EMC10: variants seen among roughly 807,000 people sequenced by gnomAD.
EMC10 encodes UPF0510 protein INM02.
Under a neutral mutation model 32.2 loss-of-function variants are expected in EMC10, and 40 were observed. The observed-to-expected ratio is 1.24, with a 90% confidence interval of 0.96 to 1.61. The LOEUF is 1.61. EMC10 is among the 40% of genes most tolerant of loss of function. EMC10 has a pLI of 0.00. For missense variants in EMC10, 402 were observed against 357.7 expected (o/e 1.12, Z -1.00); for synonymous variants, 178 against 158.4 (o/e 1.12, Z -0.93).
At chr19:50,477,893 G>A in intron 1 of EMC10, 36 bp from the exon 2 acceptor site, 9 of 1,573,800 alleles carry the variant, frequency 5.7e-6, no homozygotes, top group Non-Finnish European at 7.8e-6. Flanking sequence ...GAGGGCTTGG[G>A]TGGTCCTCAC....
chr19:50,479,783 C>T (rs959102132), intron 3 of EMC10, among the ~76,000 whole-genome samples: 1 of 152,222 alleles, frequency 6.6e-6, no homozygotes, highest in Non-Finnish European at 1.5e-5. Flanking sequence ...ACTGGTACGT[C>T]CAGGCATAGG....
In EMC10 at chr19:50,480,788, C is replaced by T. The variant is rs762307083; in HGVS notation, c.584+26C>T. Reference sequence around the variant, plus strand: ...GTGAGCCTCTGCTGCCTTCGCGGCGCTCTTGCCACCTGCCCCGGCCCTTCC... The same window carrying T: ...GTGAGCCTCTGCTGCCTTCGCGGCGTTCTTGCCACCTGCCCCGGCCCTTCC... On this transcript the variant is annotated intron_variant, in intron 5 of 6. Coordinates refer to ENST00000334976, the MANE Select transcript of EMC10 (RefSeq NM_206538.4). This position sits in a 1 kb window ranked among gnomAD's most constrained non-coding sequence, Gnocchi z 4.4. The T allele has an allele frequency of 4.5e-6, 7 of 1,570,988 alleles. No individual in the cohort carries two copies.
chr19:50,481,660 T>G (rs1402799937), intron 6 of EMC10: 1 of 574,804 alleles, frequency 1.7e-6, no homozygotes, highest in African/African-American at 1.9e-5. Flanking sequence ...AGCCCTGCTG[T>G]GCTGAGTGCC....
At position 50,490,493 on chromosome 19, in the gene EMC10, A is replaced by G. The variant is rs1039060425; in HGVS notation, c.*8234A>G. 6.6e-6 allele frequency: 1 copy of G among 152,168 alleles called. No individual in the cohort carries two copies. The highest frequency in any genetic ancestry group is 1.5e-5 in the Non-Finnish European group (1 of 68,030). The allele number at this position is 152,168 out of a possible 1,614,324, so 9.4% of individuals were successfully genotyped here. ...AGGGACGTGGGAACCCATCCCGGTG[A>G]AGCGGCAGCGTCACGTCCTTTCTCC... On this transcript the variant is annotated 3_prime_UTR_variant, in exon 7 of 7. Transcript: ENST00000334976.
In EMC10 at chr19:50,487,380, C is replaced by G. The variant is rs907452680; in HGVS notation, c.*5121C>G. On this transcript the variant is annotated 3_prime_UTR_variant, in exon 7 of 7. Coordinates refer to ENST00000334976, the MANE Select transcript of EMC10 (RefSeq NM_206538.4). ...CCCAGGGGCCCCACCCAGTCCTGTC[C>G]CTGCTCCTTACGTGCTGTGTATCTT... 3.3e-5 allele frequency: 5 copies of G among 152,316 alleles called. No homozygotes were observed. Among genetic ancestry groups the G allele is most frequent in the African/African-American group, 1.2e-4 (5 of 41,450 alleles). 9.4% of individuals were successfully genotyped at this position (152,316 alleles called of 1,614,324 possible).
At position 50,483,125 on chromosome 19, in the gene EMC10, A is replaced by G. The variant is rs1411360757; in HGVS notation, c.*866A>G. The G allele has an allele frequency of 2.1e-6, 1 of 470,628 alleles. No homozygotes were observed. The highest frequency in any genetic ancestry group is 4.2e-6 in the Non-Finnish European group (1 of 236,836). 29.2% of individuals were successfully genotyped at this position (470,628 alleles called of 1,614,324 possible). ...GTAAGTCTATTTAAAAACATCGACG[A>G]TACATTGAAATGTGTGAACGTTTTG... On this transcript the variant is annotated 3_prime_UTR_variant, in exon 7 of 7. Transcript: ENST00000334976.
Position 50,483,165 on chromosome 19 carries a change from C to T in EMC10, c.*906C>T, listed in dbSNP as rs1042082101. 6.6e-6 allele frequency: 3 copies of T among 457,486 alleles called. No homozygotes were observed. Among genetic ancestry groups the T allele is most frequent in the Admixed American group, 2.4e-5 (1 of 42,258 alleles). 28.3% of individuals were successfully genotyped at this position (457,486 alleles called of 1,614,324 possible). A position where few individuals can be genotyped will look rare whatever the true frequency, so the allele number is the denominator to read the frequency against. ...TGAACGTTTTGAAAAGCTACAGCTT[C>T]CAGCAGCCAAAAGCAACTGTTGTTT... On this transcript the variant is annotated 3_prime_UTR_variant, in exon 7 of 7. Transcript: ENST00000334976.
chr19:50,484,668 A>G lies in EMC10; in HGVS notation c.*2409A>G, dbSNP rs1301507000. On this transcript the variant is annotated 3_prime_UTR_variant, in exon 7 of 7. Transcript: ENST00000334976. ...TATCCAGGGATGAAGTATGAAACTCAAAAGATAGAGTAGGTTGGCCAGGCA... is the reference window on the plus strand; with the variant it reads ...TATCCAGGGATGAAGTATGAAACTCGAAAGATAGAGTAGGTTGGCCAGGCA... 1.3e-5 allele frequency: 2 copies of G among 151,960 alleles called. No homozygotes were observed. Among genetic ancestry groups the G allele is most frequent in the Non-Finnish European group, 2.9e-5 (2 of 67,970 alleles). The allele number at this position is 151,960 out of a possible 1,614,324, so 9.4% of individuals were successfully genotyped here.
At position 50,480,783 on chromosome 19, in the gene EMC10, C is replaced by A. The variant is rs770437098; in HGVS notation, c.584+21C>A. 3.8e-6 allele frequency: 6 copies of A among 1,571,880 alleles called. No homozygotes were observed. In the South Asian group the frequency reaches 4.7e-5, roughly 12 times the overall value. ...CCAGGGTGAGCCTCTGCTGCCTTCG[C>A]GGCGCTCTTGCCACCTGCCCCGGCC... On this transcript the variant is annotated intron_variant, in intron 5 of 6. Transcript: ENST00000334976. This position sits in a 1 kb window ranked among gnomAD's most constrained non-coding sequence, Gnocchi z 4.4.
chr19:50,481,834 C>T, intron 6 of EMC10: 2 of 1,539,456 alleles, frequency 1.3e-6, no homozygotes, highest in Non-Finnish European at 1.7e-6. Context: ...GCCCACTGGC[C>T]CTGACCTGCG....
rs368713361 is a variant in EMC10, at chr19:50,482,195, C to T, written c.725C>T (p.Ala242Val). The T allele has an allele frequency of 2.0e-5, 32 of 1,576,454 alleles. No individual in the cohort carries two copies. The highest frequency in any genetic ancestry group is 1.3e-4 in the South Asian group (12 of 90,104). The change falls in exon 7 of 7, where the codon GCG becomes GTG. Residue 242 changes from alanine to valine, a missense_variant. Physicochemically the swap from Ala to Val is moderately conservative, Grantham distance 64. Coordinates refer to ENST00000334976, the MANE Select transcript of EMC10 (RefSeq NM_206538.4). ...GTCCTGTTCCTCATGATGTCAGGAG[C>T]GCCAGACACCGGGGGCCAGGGTGGG... ...PVVLFLMMSG[A>V]PDTGGQGGGG...
At position 50,490,584 on chromosome 19, in the gene EMC10, GGGGCCTCACC is replaced by G. The variant is rs1265295585; in HGVS notation, c.*8326_*8335del. On this transcript the variant is annotated 3_prime_UTR_variant, in exon 7 of 7. Transcript: ENST00000334976. ...ACAGCCTGAGTGACAGGGGGACCCA[GGGGCCTCACC>G]TGGGCTACCTGGGGTGGGTGGACCC... 4 of 152,214 alleles carry G rather than the reference GGGGCCTCACC, an allele frequency of 2.6e-5. No homozygotes were observed. The highest frequency in any genetic ancestry group is 9.7e-5 in the African/African-American group (4 of 41,442). 9.4% of individuals were successfully genotyped at this position (152,214 alleles called of 1,614,324 possible). A position where few individuals can be genotyped will look rare whatever the true frequency, so the allele number is the denominator to read the frequency against.
rs904015097 is a variant in EMC10 at position 50,486,534 on chromosome 19, G to A, written c.*4275G>A. 1 of 152,164 alleles carries A rather than the reference G, an allele frequency of 6.6e-6. No homozygotes were observed. The highest frequency in any genetic ancestry group is 3.4e-3 in the Middle Eastern group (1 of 294). The allele number at this position is 152,164 out of a possible 1,614,324, so 9.4% of individuals were successfully genotyped here. On this transcript the variant is annotated 3_prime_UTR_variant, in exon 7 of 7. Transcript: ENST00000334976. ...AGAGAGACTCCCTGGTAAGGATTAG[G>A]GGCTAATTACTGGTGCCTCTTCAGC...
chr19:50,482,033 T>TGTAGTGACG, intron 6 of EMC10, 116 bp from the exon 7 acceptor site: 1 of 1,528,736 alleles, frequency 6.5e-7, no homozygotes, highest in Non-Finnish European at 9.1e-7. Flanking sequence ...CGCCCTCCCC[T>TGTAGTGACG]TACGCGACCT....
At chr19:50,477,033 A>T (rs2040237643) in intron 1 of EMC10, 1 of 184,656 alleles carries the variant, frequency 5.4e-6, no homozygotes, top group Admixed American at 6.1e-5. Context: ...AGGCGGGAGG[A>T]TTGCTCTAGG....
In EMC10 at chr19:50,481,162, C is replaced by G. The variant is rs971717501; in HGVS notation, c.678+185C>G. On this transcript the variant is annotated intron_variant, in intron 6 of 6. Coordinates refer to ENST00000334976, the MANE Select transcript of EMC10 (RefSeq NM_206538.4). ...CAGGAAGAGGGTATGGAAGTGTGGT[C>G]AGGGGAGGTCGGGCCAGCTCTAGGG... 1.9e-5 allele frequency: 11 copies of G among 571,668 alleles called. No individual in the cohort carries two copies. In the Admixed American group the frequency reaches 2.6e-4, roughly 14 times the overall value. The allele number at this position is 571,668 out of a possible 1,614,324, so 35.4% of individuals were successfully genotyped here.
chr19:50,481,481 T>G, intron 6 of EMC10: 1 of 253,014 alleles, frequency 4.0e-6, no homozygotes. Flanking sequence ...AGGCGTGGGG[T>G]GGGGAGGCTG....
chr19:50,481,403 C>T, intron 6 of EMC10: 1 of 219,056 alleles, frequency 4.6e-6, no homozygotes, highest in Non-Finnish European at 8.9e-6. Flanking sequence ...TGGGAGGCCT[C>T]CTGGAGCTGA....
chr19:50,483,028 C>A lies in EMC10; in HGVS notation c.*769C>A. 4 of 556,872 alleles carry A rather than the reference C, an allele frequency of 7.2e-6. No individual in the cohort carries two copies. The highest frequency in any genetic ancestry group is 3.1e-5 in the South Asian group (2 of 63,662). 34.5% of individuals were successfully genotyped at this position (556,872 alleles called of 1,614,324 possible). On this transcript the variant is annotated 3_prime_UTR_variant, in exon 7 of 7. Transcript: ENST00000334976. ...AAATAGAACCCCCTCCACCACCCCC[C>A]GCCGCCCAGCATCCTACCTGGACTG...
Sources: allele counts gnomAD v4.1 joint callset (sites outside exome capture counted in the v4.1 genomes callset), GRCh38; gene constraint gnomAD v4.1.1; non-coding constraint Gnocchi (gnomAD v3.1); transcripts MANE v1.5; gene names NCBI Gene and HGNC (gene_info 2026-07-23, HGNC 2026-07-21).